BIRC7: variants seen among roughly 807,000 people sequenced by gnomAD.
BIRC7 encodes baculoviral IAP repeat containing 7.
In BIRC7, 26 loss-of-function variants were observed where a neutral mutation model predicts 33.2. That is an observed-to-expected ratio of 0.78 (90% CI 0.57 to 1.09). BIRC7 has a LOEUF of 1.09. Ranked by LOEUF, BIRC7 falls within the 50% of genes least tolerant of loss-of-function variation. BIRC7 has a pLI of 0.00. For missense variants in BIRC7, 409 were observed against 401.2 expected (o/e 1.02, Z -0.17); for synonymous variants, 176 against 171.0 (o/e 1.03, Z -0.23).
chr20:63,238,750 G>A, intron 4 of BIRC7, 136 bp downstream of exon 4: 1 of 1,304,816 alleles, frequency 7.7e-7, no homozygotes, highest in Non-Finnish European at 1.1e-6. Flanking sequence ...CTGCTGCCTG[G>A]GTTGGCTTCA....
intron 6 of BIRC7, among the ~76,000 whole-genome samples, chr20:63,239,923 G>A (rs897486148): frequency 2.6e-5 from 4 of 152,246 alleles, no homozygotes; most frequent in East Asian, 1.9e-4. Context: ...CTTTGGAGGC[G>A]TTTGGGGAAA....
At position 63,236,134 on chromosome 20, in the gene BIRC7, G is replaced by T. The variant is rs1404508383; in HGVS notation, c.38G>T (p.Gly13Val). 2 of 1,579,114 alleles carry T rather than the reference G, an allele frequency of 1.3e-6. No individual in the cohort carries two copies. The highest frequency in any genetic ancestry group is 1.7e-6 in the Non-Finnish European group (2 of 1,161,812). ...GACAGTGCCAAGTGCCTGCACCGTG[G>T]ACCACAGCCGAGCCACTGGGCAGCC... Reference protein sequence around the residue: ...PKDSAKCLHRGPQPSHWAAGD... With the variant: ...PKDSAKCLHRVPQPSHWAAGD... Residue 13 changes from glycine to valine, a missense_variant, in exon 1 of 7, where the codon GGA (glycine) becomes GTA (valine). By Grantham distance (109) the Gly-to-Val change is moderately radical. Transcript: ENST00000217169.
intron 5 of BIRC7, 38 bp from the exon 6 acceptor site, chr20:63,239,320 C>A: frequency 6.2e-7 from 1 of 1,603,510 alleles, no homozygotes; most frequent in Non-Finnish European, 8.5e-7. Context: ...AGGGTGGGGG[C>A]CAGGGTGTGG....
chr20:63,239,361 G>T lies in BIRC7; in HGVS notation c.653G>T (p.Gly218Val), dbSNP rs746405681. 2.5e-6 allele frequency: 4 copies of T among 1,603,104 alleles called. No homozygotes were observed. The highest frequency in any genetic ancestry group is 2.2e-5 in the South Asian group (2 of 91,070). Residue 218 changes from glycine (G) to valine (V), a missense_variant, in exon 6 of 7, where the codon GGG becomes GTG. Gly to Val is a moderately radical substitution (Grantham distance 109). Transcript: ENST00000217169. ...TTTCGCAGGCCTGTCCTCCTAGGAGGGGTCAGTCCAGCCGAGGCCCAGAGG... is the reference window on the plus strand; with the variant it reads ...TTTCGCAGGCCTGTCCTCCTAGGAGTGGTCAGTCCAGCCGAGGCCCAGAGG... ...VQSESAQEPG[G>V]VSPAEAQRAW...
chr20:63,237,904 C>A lies in BIRC7; in HGVS notation c.351C>A (p.Gly117=). 1 of 1,598,148 alleles carries A rather than the reference C, an allele frequency of 6.3e-7. No homozygotes were observed. The highest frequency in any genetic ancestry group is 1.8e-5 in the Admixed American group (1 of 56,538). Residue 117 remains glycine, a splice_region_variant and synonymous_variant, in exon 2 of 7, where the codon GGC becomes GGA. Coordinates refer to ENST00000217169, the MANE Select transcript of BIRC7 (RefSeq NM_139317.3). ...GGCCAGCATCTCTCCGCACCCCAGG[C>A]CATCAGGACAAGGTGAGGTGCTTCT... ...LLAAAGFFHT[G]HQDKVRCFFC... is the part of the protein sequence containing the mutation.
In BIRC7 at chr20:63,239,549, C is replaced by A. The variant is rs368399265; in HGVS notation, c.841C>A (p.Leu281Met). 1.1e-5 allele frequency: 18 copies of A among 1,603,394 alleles called. No individual in the cohort carries two copies. Among genetic ancestry groups the A allele is most frequent in the Non-Finnish European group, 1.4e-5 (17 of 1,179,706 alleles). The change falls in exon 6 of 7, where the codon CTG becomes ATG. Residue 281 changes from leucine (L) to methionine (M), a missense_variant. By Grantham distance (15) the Leu-to-Met change is conservative. Coordinates refer to ENST00000217169, the MANE Select transcript of BIRC7 (RefSeq NM_139317.3). ...TGCTGAGTGTGCCCCCGGCCTGCAG[C>A]TGTGCCCCATCTGCAGAGCCCCCGT... is the stretch of plus-strand genomic sequence containing the variant. ...VCAECAPGLQ[L>M]CPICRAPVRS...
intron 1 of BIRC7, among the ~76,000 whole-genome samples, chr20:63,237,546 G>A (rs1357292661): frequency 6.6e-6 from 1 of 152,154 alleles, no homozygotes; most frequent in Non-Finnish European, 1.5e-5. Context: ...CCATCTTGGG[G>A]AAGCAGAGAC....
In BIRC7 at chr20:63,238,585, C is replaced by T. The variant is rs989197876; in HGVS notation, c.548C>T (p.Pro183Leu). The change falls in exon 4 of 7, where the codon CCG (proline) becomes CTG (leucine). Residue 183 changes from proline to leucine, a missense_variant. Pro to Leu is a moderately conservative substitution (Grantham distance 98). Transcript: ENST00000217169. ...TCCTTCCAGGACCCGTGGGAAGAACCGGAAGACGCAGCCCCTGTGGCCCCC... is the reference window on the plus strand; with the variant it reads ...TCCTTCCAGGACCCGTGGGAAGAACTGGAAGACGCAGCCCCTGTGGCCCCC... ...LLGSWDPWEE[P>L]EDAAPVAPSV... 3.6e-5 allele frequency: 58 copies of T among 1,612,932 alleles called. No homozygotes were observed. In the East Asian group the frequency reaches 7.4e-4, roughly 20 times the overall value.
chr20:63,239,747 C>T (rs1568697526), intron 6 of BIRC7, 137 bp downstream of exon 6: 7 of 1,225,682 alleles, frequency 5.7e-6, no homozygotes, highest in Non-Finnish European at 6.6e-6. Flanking sequence ...TCCCAGGTCC[C>T]GCTGATAGCG....
intron 2 of BIRC7, 62 bp from the exon 3 acceptor site, chr20:63,238,334 A>G: frequency 1.3e-6 from 2 of 1,590,874 alleles, no homozygotes; most frequent in Non-Finnish European, 1.7e-6. Flanking sequence ...CCGGGGATCC[A>G]AGGGCTTGAA....
intron 1 of BIRC7, 116 bp downstream of exon 1, chr20:63,236,561 C>G: frequency 5.1e-6 from 7 of 1,376,060 alleles, no homozygotes; most frequent in Non-Finnish European, 6.6e-6. Context: ...AGGGTCTGGC[C>G]TGATGACGGA....
At chr20:63,238,171 T>C in intron 2 of BIRC7, 169 bp downstream of exon 2, 1 of 846,060 alleles carries the variant, frequency 1.2e-6, no homozygotes, top group African/African-American at 1.7e-5. Flanking sequence ...ACTTTTCCTG[T>C]GAGGGCCCCT....
Position 63,238,231 on chromosome 20 carries a change from T to C in BIRC7, c.450-165T>C, listed in dbSNP as rs757513674. 8.3e-5 allele frequency: 77 copies of C among 923,448 alleles called. 1 individual carries two copies. In the Middle Eastern group the frequency reaches 2.4e-3, roughly 28 times the overall value. 57.2% of individuals were successfully genotyped at this position (923,448 alleles called of 1,614,324 possible). ...AAATGCCTCTCCCATGGGACTACCC[T>C]GAAGCCCCATGGAGGCGTCTCCACA... On this transcript the variant is annotated intron_variant, in intron 2 of 6. Coordinates refer to ENST00000217169, the MANE Select transcript of BIRC7 (RefSeq NM_139317.3).
intron 4 of BIRC7, 37 bp downstream of exon 4, chr20:63,238,651 G>T (rs762309805): frequency 1.2e-6 from 2 of 1,609,566 alleles, no homozygotes; most frequent in Non-Finnish European, 1.7e-6. Flanking sequence ...CTCCTTGTGC[G>T]CCTGCAGCCT....
rs771294890 is a variant in BIRC7, at chr20:63,237,951, G to A, written c.398G>A (p.Ser133Asn). 3.1e-6 allele frequency: 5 copies of A among 1,608,748 alleles called. No individual in the cohort carries two copies. The African/African-American group carries it at 5.4e-5, about 17-fold the overall frequency. ...RCFFCYGGLQ[S>N]WKRGDDPWTE... is the part of the protein sequence containing the mutation. ...TTCTTCTGCTATGGGGGCCTGCAGA[G>A]CTGGAAGCGCGGGGACGACCCCTGG... Residue 133 changes from serine (S) to asparagine (N), a missense_variant, in exon 2 of 7, where the codon AGC (serine) becomes AAC (asparagine). Physicochemically the swap from Ser to Asn is conservative, Grantham distance 46. Coordinates refer to ENST00000217169, the MANE Select transcript of BIRC7 (RefSeq NM_139317.3).
chr20:63,239,143 C>G lies in BIRC7; in HGVS notation c.578-19C>G. On this transcript the variant is annotated intron_variant, in intron 4 of 6. Coordinates refer to ENST00000217169, the MANE Select transcript of BIRC7 (RefSeq NM_139317.3). Reference sequence around the variant, plus strand: ...TCTCCTTGGGAGTTAGGCCTCAAGTCTATCCTAACTGTCCACAGTCCCTGC... The same window carrying G: ...TCTCCTTGGGAGTTAGGCCTCAAGTGTATCCTAACTGTCCACAGTCCCTGC... 1 of 1,609,408 alleles carries G rather than the reference C, an allele frequency of 6.2e-7. No individual in the cohort carries two copies. The highest frequency in any genetic ancestry group is 8.5e-7 in the Non-Finnish European group (1 of 1,177,400).
At chr20:63,239,963 C>A (rs1355443782) in intron 6 of BIRC7, among the ~76,000 whole-genome samples, 1 of 152,224 alleles carries the variant, frequency 6.6e-6, no homozygotes, top group Non-Finnish European at 1.5e-5. Context: ...CTTACACAAG[C>A]GAGACACTGG....
rs1199072783 is a variant in BIRC7, at chr20:63,236,113, G to A, written c.17G>A (p.Ser6Asn). 2 of 1,561,806 alleles carry A rather than the reference G, an allele frequency of 1.3e-6. No homozygotes were observed. The highest frequency in any genetic ancestry group is 1.2e-5 in the South Asian group (1 of 86,394). ...GTTCCCTCCATGGGACCTAAAGACA[G>A]TGCCAAGTGCCTGCACCGTGGACCA... is the stretch of plus-strand genomic sequence containing the variant. Reference protein sequence around the residue: MGPKDSAKCLHRGPQP... With the variant: MGPKDNAKCLHRGPQP... Residue 6 changes from serine (S) to asparagine (N), a missense_variant, in exon 1 of 7, where the codon AGT becomes AAT. Ser to Asn is a conservative substitution (Grantham distance 46). Transcript: ENST00000217169.
Position 63,238,793 on chromosome 20 carries a change from C to T in BIRC7, c.577+179C>T, listed in dbSNP as rs779946725. On this transcript the variant is annotated intron_variant, in intron 4 of 6. Coordinates refer to ENST00000217169, the MANE Select transcript of BIRC7 (RefSeq NM_139317.3). Reference sequence around the variant, plus strand: ...GTGCCATGTGAGGGTGGGGGCGGGGCGGCAGGGGCCTCCCCCAGTGCCAGG... The same window carrying T: ...GTGCCATGTGAGGGTGGGGGCGGGGTGGCAGGGGCCTCCCCCAGTGCCAGG... 2.1e-5 allele frequency: 17 copies of T among 803,592 alleles called. No homozygotes were observed. In the South Asian group the frequency reaches 2.4e-4, roughly 12 times the overall value. The allele number at this position is 803,592 out of a possible 1,614,324, so 49.8% of individuals were successfully genotyped here. A position where few individuals can be genotyped will look rare whatever the true frequency, so the allele number is the denominator to read the frequency against.
Sources: gnomAD v4.1 joint callset for allele counts (sites outside exome capture counted in the v4.1 genomes callset) on GRCh38, gnomAD v4.1.1 for gene constraint, MANE v1.5 for transcripts, NCBI Gene and HGNC (gene_info 2026-07-23, HGNC 2026-07-21) for gene names.